LRRFIP1: variants seen among roughly 807,000 people sequenced by gnomAD.
LRRFIP1 encodes the protein LRR binding FLII interacting protein 1, also known as leucine-rich repeat flightless-interacting protein 1.
LRRFIP1 carries 62 observed loss-of-function variants against 104.4 expected under a neutral mutation model. The ratio of observed to expected loss-of-function variants is 0.59; its 90% confidence interval spans 0.48 to 0.73. The LOEUF (loss-of-function observed/expected upper bound fraction) is 0.73. Among genes scored for constraint, LRRFIP1 ranks in the 30% least tolerant of loss-of-function variants. LRRFIP1 has a pLI of 0.00. For synonymous variants in LRRFIP1, 300 were observed against 299.0 expected, an observed-to-expected ratio of 1.00 and a Z score of -0.03; for missense variants, 796 against 824.5, an observed-to-expected ratio of 0.97 and a Z score of 0.42.
chr2:237,682,162 G>A (rs1393245261), intron 1 of LRRFIP1, among the ~76,000 whole-genome samples: 1 of 152,184 alleles, frequency 6.6e-6, no homozygotes, highest in African/African-American at 2.4e-5. Context: ...TAACCTGGAT[G>A]TAAATTGTAA....
intron 1 of LRRFIP1, 29 bp from the exon 2 acceptor site, chr2:237,708,515 C>A (rs771753420): frequency 5.2e-6 from 8 of 1,531,640 alleles, no homozygotes; most frequent in South Asian, 1.3e-5. Context: ...GCTGCTCTGT[C>A]CTCTAATAAG....
At chr2:237,758,105 C>T (rs2059463982) in intron 17 of LRRFIP1, among the ~76,000 whole-genome samples, 2 of 152,016 alleles carry the variant, frequency 1.3e-5, no homozygotes, top group Admixed American at 1.3e-4. Context: ...AATGGTTTCC[C>T]CAAAATGGTG....
At chr2:237,631,647 G>A (rs1182091109) in intron 1 of LRRFIP1, among the ~76,000 whole-genome samples, 7 of 152,250 alleles carry the variant, frequency 4.6e-5, no homozygotes, top group South Asian at 2.1e-4. Flanking sequence ...CTCTCCTACC[G>A]CATTTCACAT....
Position 237,711,524 on chromosome 2 carries a change from G to A in LRRFIP1, c.184-2735G>A, listed in dbSNP as rs2094088370. On this transcript the variant is annotated intron_variant, in intron 2 of 23. Transcript: ENST00000308482. The surrounding 1 kb of genome is among the most constrained non-coding windows in gnomAD (Gnocchi z 4.4). ...AACGTCACCTTTTGCACGGTCCTCT[G>A]TGGATCTGCAGTCTCGGCTTCCTCA... 6.6e-6 allele frequency among the ~76,000 whole-genome samples: 1 copy of A among 152,240 alleles called. No individual in the cohort carries two copies. The highest frequency in any genetic ancestry group is 2.4e-5 in the African/African-American group (1 of 41,460).
chr2:237,636,743 G>C (rs1450468553), intron 1 of LRRFIP1, among the ~76,000 whole-genome samples: 1 of 152,234 alleles, frequency 6.6e-6, no homozygotes, highest in East Asian at 1.9e-4. Context: ...CAGGAAGAGA[G>C]ATGTCACAAA....
At chr2:237,732,387 T>C (rs2095051359) in intron 8 of LRRFIP1, among the ~76,000 whole-genome samples, 1 of 152,226 alleles carries the variant, frequency 6.6e-6, no homozygotes, top group Non-Finnish European at 1.5e-5. Flanking sequence ...CCCACACCCC[T>C]GTCTGCCCCA....
chr2:237,774,995 G>A (rs2060956034), intron 23 of LRRFIP1, among the ~76,000 whole-genome samples: 1 of 152,250 alleles, frequency 6.6e-6, no homozygotes, highest in Non-Finnish European at 1.5e-5. Context: ...GAAGACACTT[G>A]GCAAAGTTGT....
chr2:237,777,908 C>T (rs1405452237), intron 23 of LRRFIP1, among the ~76,000 whole-genome samples: 1 of 152,142 alleles, frequency 6.6e-6, no homozygotes, highest in Non-Finnish European at 1.5e-5. Context: ...TTGGATAATG[C>T]CTAAAGTTTT....
intron 2 of LRRFIP1, 37 bp from the exon 3 acceptor site, chr2:237,714,222 A>G (rs1477477784): frequency 1.3e-6 from 2 of 1,513,186 alleles, no homozygotes; most frequent in African/African-American, 1.4e-5. Context: ...CTTTAATTGG[A>G]TTTTACATTT....
chr2:237,705,319 G>A (rs564509392), intron 1 of LRRFIP1, among the ~76,000 whole-genome samples: 13 of 152,114 alleles, frequency 8.5e-5, no homozygotes, highest in Middle Eastern at 3.2e-3. Context: ...ACAATTCAGC[G>A]GCTTAGAATA....
Position 237,636,358 on chromosome 2 carries a change from T to C in LRRFIP1, c.96+8618T>C, listed in dbSNP as rs867535454. Among the ~76,000 whole-genome samples the C allele has an allele frequency of 2.5e-3, 369 of 149,704 alleles. 1 individual carries two copies. Among genetic ancestry groups the C allele is most frequent in the African/African-American group, 8.3e-3 (338 of 40,922 alleles). ...TTTCATTTTCCTTTCTTTTCTTTTTTTTTTTTTTTTGTCTTTTGGTAATAC... is the reference window on the plus strand; with the variant it reads ...TTTCATTTTCCTTTCTTTTCTTTTTCTTTTTTTTTTGTCTTTTGGTAATAC... On this transcript the variant is annotated intron_variant, in intron 1 of 23. Transcript: ENST00000308482.
chr2:237,744,964 G>A (rs929834246), intron 11 of LRRFIP1, among the ~76,000 whole-genome samples: 1 of 152,218 alleles, frequency 6.6e-6, no homozygotes, highest in Admixed American at 6.5e-5. Flanking sequence ...CCTCCTCCAG[G>A]CCCCCACACC....
chr2:237,772,385 T>G, intron 21 of LRRFIP1, 187 bp downstream of exon 21: 1 of 557,644 alleles, frequency 1.8e-6, no homozygotes, highest in Non-Finnish European at 3.2e-6. Context: ...TCTGAGCCTA[T>G]GAAATAGAAC....
intron 1 of LRRFIP1, among the ~76,000 whole-genome samples, chr2:237,706,240 C>T (rs2093800753): frequency 6.6e-6 from 1 of 152,134 alleles, no homozygotes; most frequent in Non-Finnish European, 1.5e-5. Flanking sequence ...TGGGGACCAA[C>T]CCAGAATTTG....
intron 6 of LRRFIP1, 61 bp from the exon 7 acceptor site, chr2:237,723,487 A>G: frequency 6.4e-7 from 1 of 1,551,596 alleles, no homozygotes; most frequent in Non-Finnish European, 8.8e-7. Context: ...TAGCTTTTAA[A>G]TTTACTTTTG....
chr2:237,705,477 C>A (rs1215384936), intron 1 of LRRFIP1, among the ~76,000 whole-genome samples: 4 of 152,010 alleles, frequency 2.6e-5, no homozygotes, highest in African/African-American at 9.7e-5. Context: ...GCCTGGGCAA[C>A]ACGGCAAAAC....
At chr2:237,668,338 A>G (rs990221593) in intron 1 of LRRFIP1, among the ~76,000 whole-genome samples, 2 of 152,142 alleles carry the variant, frequency 1.3e-5, no homozygotes, top group Admixed American at 6.5e-5. Flanking sequence ...CCCCAGGACA[A>G]GGCCCCGTCA....
chr2:237,714,209 CTTCT>C (rs1318027173), intron 2 of LRRFIP1, 46 bp from the exon 3 acceptor site: 2 of 1,356,122 alleles, frequency 1.5e-6, no homozygotes, highest in African/African-American at 1.5e-5. Context: ...GATGTTACTG[CTTCT>C]TTAATTGGAT....
rs2060005574 is a variant in LRRFIP1 at position 237,762,755 on chromosome 2, G to T, written c.1459+2550G>T. 3 of 1,614,110 alleles carry T rather than the reference G, an allele frequency of 1.9e-6. No individual in the cohort carries two copies. In the Admixed American group the frequency reaches 5.0e-5, roughly 27 times the overall value. Reference sequence around the variant, plus strand: ...ATTCCCTGCTGGTGAGAATACCGAGGACCAGAAATCCTCTGAAGACACTGC... The same window carrying T: ...ATTCCCTGCTGGTGAGAATACCGAGTACCAGAAATCCTCTGAAGACACTGC... On this transcript the variant is annotated intron_variant, in intron 19 of 23. Transcript: ENST00000308482.
Sources: gnomAD v4.1 joint callset for allele counts (sites outside exome capture counted in the v4.1 genomes callset) on GRCh38, gnomAD v4.1.1 for gene constraint, Gnocchi (gnomAD v3.1) non-coding constraint, MANE v1.5 for transcripts, NCBI Gene and HGNC (gene_info 2026-07-23, HGNC 2026-07-21) for gene names.